The following ZNF546 variants were observed in gnomAD, a reference collection of about 807,000 sequenced individuals.
The protein encoded by ZNF546 is zinc finger protein 546, also known as CTC-471F3.6.
A neutral mutation model predicts 76.2 loss-of-function variants in ZNF546; 60 were observed. The ratio of observed to expected loss-of-function variants is 0.79; its 90% CI spans 0.64 to 0.98. The LOEUF (loss-of-function observed/expected upper bound fraction) is 0.98. Ranked by LOEUF, ZNF546 falls within the 50% of genes least tolerant of loss-of-function variation. The pLI, the probability that ZNF546 is intolerant of heterozygous loss-of-function variation, is 0.00. For missense variants in ZNF546, 936 were observed against 1,035.6 expected (o/e 0.90, Z 1.32); for synonymous variants, 277 against 328.1 (o/e 0.84, Z 1.68).
At chr19:40,009,796 A>G (rs2144645962) in intron 6 of ZNF546, among the ~76,000 whole-genome samples, 1 of 152,174 alleles carries the variant, frequency 6.6e-6, no homozygotes, top group East Asian at 1.9e-4. Context: ...ATTTAGCTTC[A>G]TTCACTCAGC....
Position 40,001,652 on chromosome 19 carries a change from G to A in ZNF546, c.84+3242G>A, listed in dbSNP as rs777453796. The stretch of plus-strand genomic sequence containing the variant: ...GCTGGGATTACAAGTGTGAGCCACC[G>A]CGCTCTACCAAGAAGAGATTTCTTG... On this transcript the variant is annotated intron_variant, in intron 3 of 6. Coordinates refer to ENST00000347077, the MANE Select transcript of ZNF546 (RefSeq NM_178544.5). Among the ~76,000 whole-genome samples, 14 of 152,154 alleles carry A rather than the reference G, an allele frequency of 9.2e-5. No homozygotes were observed. In the East Asian group the frequency reaches 1.7e-3, roughly 19 times the overall value.
chr19:40,000,841 G>A (rs1456980775), intron 3 of ZNF546, among the ~76,000 whole-genome samples: 1 of 151,946 alleles, frequency 6.6e-6, no homozygotes, highest in Non-Finnish European at 1.5e-5. Context: ...ATGGTTTCAG[G>A]ATGATTCAAG....
At chr19:39,997,840 T>C in intron 1 of ZNF546, 21 bp from the exon 2 acceptor site, 1 of 158,282 alleles carries the variant, frequency 6.3e-6, no homozygotes, top group South Asian at 1.8e-4. Flanking sequence ...TCTTCCCCCA[T>C]TCTGCTATTC....
At chr19:40,013,109 G>A (rs1004076659) in intron 6 of ZNF546, among the ~76,000 whole-genome samples, 9 of 152,120 alleles carry the variant, frequency 5.9e-5, no homozygotes, top group African/African-American at 1.7e-4. Context: ...CACCGCACCC[G>A]GCCTATTTTA....
rs1323219724 is a variant in ZNF546, at chr19:40,017,043, G to A, written c.*1262G>A. ...TTGGGGATACATTTAGTACATTCAT[G>A]TGAGAGGAAGGCCCTGTGGGTGTAA... On this transcript the variant is annotated 3_prime_UTR_variant, in exon 7 of 7. Transcript: ENST00000347077. The A allele has an allele frequency of 2.0e-5, 3 of 152,146 alleles. No homozygotes were observed. Among genetic ancestry groups the A allele is most frequent in the Non-Finnish European group, 4.4e-5 (3 of 68,036 alleles). The allele number at this position is 152,146 out of a possible 1,614,324, so 9.4% of individuals were successfully genotyped here.
Position 40,014,379 on chromosome 19 carries a change from G to C in ZNF546, c.1109G>C (p.Arg370Pro). 6.2e-7 allele frequency: 1 copy of C among 1,613,768 alleles called. No homozygotes were observed. Among genetic ancestry groups the C allele is most frequent in the African/African-American group, 1.3e-5 (1 of 74,910 alleles). Reference protein sequence around the residue: ...KVCGKTFRVQRHISQHQKIHT... With the variant: ...KVCGKTFRVQPHISQHQKIHT... The stretch of plus-strand genomic sequence containing the variant: ...TGTGGCAAGACCTTTAGGGTACAAC[G>C]ACATATTAGTCAACATCAGAAAATT... The change falls in exon 7 of 7, where the codon CGA (arginine) becomes CCA (proline). Residue 370 changes from arginine to proline, a missense_variant. Transcript: ENST00000347077.
chr19:40,015,098 A>G lies in ZNF546; in HGVS notation c.1828A>G (p.Ile610Val). The change falls in exon 7 of 7, where the codon ATA becomes GTA. Residue 610 changes from isoleucine to valine, a missense_variant. Coordinates refer to ENST00000347077, the MANE Select transcript of ZNF546 (RefSeq NM_178544.5). ...FKIHTGEKPY[I>V]CNECGKAFRF... is the part of the protein sequence containing the mutation. Reference sequence around the variant, plus strand: ...AATTCATACTGGTGAAAAACCCTACATATGTAATGAATGTGGGAAAGCCTT... The same window carrying G: ...AATTCATACTGGTGAAAAACCCTACGTATGTAATGAATGTGGGAAAGCCTT... 1 of 1,613,958 alleles carries G rather than the reference A, an allele frequency of 6.2e-7. No individual in the cohort carries two copies. Among genetic ancestry groups the G allele is most frequent in the Non-Finnish European group, 8.5e-7 (1 of 1,179,910 alleles).
Position 40,015,390 on chromosome 19 carries a change from G to A in ZNF546, c.2120G>A (p.Arg707Gln), listed in dbSNP as rs777358042. The change falls in exon 7 of 7, where the codon CGA becomes CAA. Residue 707 changes from arginine (R) to glutamine (Q), a missense_variant. By Grantham distance (43) the Arg-to-Gln change is conservative. Transcript: ENST00000347077. Reference sequence around the variant, plus strand: ...GGGAATGCTTTTATTTGCAGTTATCGACTTACATTACATCAAAGAATTCAC... The same window carrying A: ...GGGAATGCTTTTATTTGCAGTTATCAACTTACATTACATCAAAGAATTCAC... ...ECGNAFICSY[R>Q]LTLHQRIHTG... 9.3e-6 allele frequency: 15 copies of A among 1,613,894 alleles called. No individual in the cohort carries two copies. Among genetic ancestry groups the A allele is most frequent in the African/African-American group, 8.0e-5 (6 of 74,870 alleles).
chr19:40,007,914 A>G (rs934095000), intron 5 of ZNF546, among the ~76,000 whole-genome samples: 1 of 152,212 alleles, frequency 6.6e-6, no homozygotes, highest in African/African-American at 2.4e-5. Flanking sequence ...GTGAATTGAC[A>G]TTTTCTGTTG....
Position 39,998,407 on chromosome 19 carries a change from A to G in ZNF546, c.81A>G (p.Ile27Met), listed in dbSNP as rs767492345. 2.5e-6 allele frequency: 4 copies of G among 1,612,952 alleles called. No individual in the cohort carries two copies. Among genetic ancestry groups the G allele is most frequent in the Non-Finnish European group, 3.4e-6 (4 of 1,178,976 alleles). Residue 27 changes from isoleucine to methionine, a missense_variant, in exon 3 of 7, where the codon ATA becomes ATG. By Grantham distance (10) the Ile-to-Met change is conservative (BLOSUM62 1). Transcript: ENST00000347077. Reference protein sequence around the residue: ...FQIIPLHSLSIMPRFLWILCF... With the variant: ...FQIIPLHSLSMMPRFLWILCF... ...TCATTCCTCTGCACTCACTTTCTAT[A>G]ATGGTAGAGAAATGCATATCCTGGA...
chr19:39,999,424 A>T (rs1280110606), intron 3 of ZNF546, among the ~76,000 whole-genome samples: 1 of 152,182 alleles, frequency 6.6e-6, no homozygotes, highest in African/African-American at 2.4e-5. Context: ...TTATAATTGG[A>T]TATAGATCTA....
At position 40,018,918 on chromosome 19, in the gene ZNF546, G is replaced by A. The variant is rs952611789; in HGVS notation, c.*3137G>A. The stretch of plus-strand genomic sequence containing the variant: ...GAGCCTGCCCAAATTGCAGATTTAC[G>A]TTTAAAATATGGCCTGTTTTAAGCC... On this transcript the variant is annotated 3_prime_UTR_variant, in exon 7 of 7. Transcript: ENST00000347077. The A allele has an allele frequency of 1.1e-4, 16 of 152,208 alleles. No homozygotes were observed. Among genetic ancestry groups the A allele is most frequent in the South Asian group, 6.2e-4 (3 of 4,828 alleles). 9.4% of individuals were successfully genotyped at this position (152,208 alleles called of 1,614,324 possible).
intron 1 of ZNF546, 104 bp from the exon 2 acceptor site, chr19:39,997,757 G>C (rs964905645): frequency 6.5e-6 from 1 of 154,716 alleles, no homozygotes; most frequent in African/African-American, 2.4e-5. Flanking sequence ...GGTCAGCACA[G>C]ATGTGGCGCT....
chr19:40,013,180 A>T (rs1971694003), intron 6 of ZNF546, among the ~76,000 whole-genome samples: 1 of 152,186 alleles, frequency 6.6e-6, no homozygotes, highest in South Asian at 2.1e-4. Flanking sequence ...TTGCACTACA[A>T]TAATTTAGAG....
chr19:40,005,928 G>A (rs1441391510), intron 3 of ZNF546, among the ~76,000 whole-genome samples, 168 bp from the exon 4 acceptor site: 1 of 152,204 alleles, frequency 6.6e-6, no homozygotes, highest in South Asian at 2.1e-4. Context: ...CCGTGGGCAT[G>A]AATTTACACC....
At chr19:40,013,487 G>A (rs1390835949) in intron 6 of ZNF546, among the ~76,000 whole-genome samples, 178 bp from the exon 7 acceptor site, 3 of 152,048 alleles carry the variant, frequency 2.0e-5, no homozygotes, top group Non-Finnish European at 4.4e-5. Flanking sequence ...TCACTATCTG[G>A]TCTTTTAAAG....
rs1971737234 is a variant in ZNF546, at chr19:40,014,971, A to G, written c.1701A>G (p.Gln567=). 3 of 1,612,554 alleles carry G rather than the reference A, an allele frequency of 1.9e-6. No individual in the cohort carries two copies. The highest frequency in any genetic ancestry group is 2.5e-6 in the Non-Finnish European group (3 of 1,179,538). The change falls in exon 7 of 7, where the codon CAA becomes CAG. Residue 567 remains glutamine, a synonymous_variant. Coordinates refer to ENST00000347077, the MANE Select transcript of ZNF546 (RefSeq NM_178544.5). ...GGAAGGCTTTTATTCATAGCAATCA[A>G]TTTATTTCACACCAGCGAATTCACA... is the stretch of plus-strand genomic sequence containing the variant. The part of the protein sequence containing the change: ...ECGKAFIHSN[Q]FISHQRIHTS...
Position 40,019,498 on chromosome 19 carries a change from C to T in ZNF546, c.*3717C>T, listed in dbSNP as rs1480905410. 6.6e-6 allele frequency: 1 copy of T among 152,010 alleles called. No homozygotes were observed. Among genetic ancestry groups the T allele is most frequent in the Non-Finnish European group, 1.5e-5 (1 of 67,986 alleles). 9.4% of individuals were successfully genotyped at this position (152,010 alleles called of 1,614,324 possible). A position where few individuals can be genotyped will look rare whatever the true frequency, so the allele number is the denominator to read the frequency against. ...ATATTAATACTTGATTTTAGTATAG[C>T]TAATCAAAGGAAAAAGATAATTACA... On this transcript the variant is annotated 3_prime_UTR_variant, in exon 7 of 7. Coordinates refer to ENST00000347077, the MANE Select transcript of ZNF546 (RefSeq NM_178544.5).
Position 40,013,665 on chromosome 19 carries a change from A to AT in ZNF546, c.398dup (p.Leu133PhefsTer31). 1.1e-6 allele frequency: 1 copy of AT among 902,224 alleles called. No individual in the cohort carries two copies. The highest frequency in any genetic ancestry group is 1.5e-6 in the Non-Finnish European group (1 of 663,814). 55.9% of individuals were successfully genotyped at this position (902,224 alleles called of 1,614,324 possible). ...CTTTTTTTTTTTTTTTTTTTTGCAGATTTGGAATACAAGTATATTACCAAG... is the reference window on the plus strand; with the variant it reads ...CTTTTTTTTTTTTTTTTTTTTGCAGATTTTGGAATACAAGTATATTACCAAG... On this transcript the variant is annotated frameshift_variant and splice_region_variant, in exon 7 of 7. Coordinates refer to ENST00000347077, the MANE Select transcript of ZNF546 (RefSeq NM_178544.5). LOFTEE classifies it high-confidence loss of function.
Sources: allele counts gnomAD v4.1 joint callset (sites outside exome capture counted in the v4.1 genomes callset), GRCh38; gene constraint gnomAD v4.1.1; transcripts MANE v1.5; gene names NCBI Gene and HGNC (gene_info 2026-07-23, HGNC 2026-07-21).